The following TMEM164 variants were observed in gnomAD, a reference collection of about 807,000 sequenced individuals.
The protein encoded by TMEM164 is transmembrane protein 164.
A neutral mutation model predicts 18.8 loss-of-function variants in TMEM164; 4 were observed. That is an observed-to-expected ratio of 0.21 (90% confidence interval 0.10 to 0.49). The LOEUF (loss-of-function observed/expected upper bound fraction) is 0.49, where lower values mean the gene tolerates loss of function less well. TMEM164 is among the 20% of genes least tolerant of loss of function. The pLI is 0.98. For missense variants in TMEM164, 108 were observed against 239.9 expected (o/e 0.45, Z 3.63); for synonymous variants, 86 against 101.7 (o/e 0.85, Z 0.93).
chrX:110,036,645 T>C (rs1174358640), intron 2 of TMEM164, among the ~76,000 whole-genome samples: 3 of 112,643 alleles, frequency 2.7e-5, no homozygotes, highest in Non-Finnish European at 5.6e-5. Flanking sequence ...TGATAAGAGA[T>C]GCTTTGCTGG....
chrX:110,164,048 C>T (rs1003239412), intron 5 of TMEM164, among the ~76,000 whole-genome samples: 3 of 111,942 alleles, frequency 2.7e-5, no homozygotes, highest in African/African-American at 9.8e-5. Flanking sequence ...GGCCTAGGAG[C>T]GTGACAGAGT....
chrX:110,005,662 A>C (rs749422287), intron 2 of TMEM164, among the ~76,000 whole-genome samples: 1 of 112,421 alleles, frequency 8.9e-6, no homozygotes, highest in Non-Finnish European at 1.9e-5. Flanking sequence ...TTGGGAAGTG[A>C]TGCCATTCAC....
At chrX:110,146,348 A>C (rs2066854239) in intron 5 of TMEM164, among the ~76,000 whole-genome samples, 1 of 112,222 alleles carries the variant, frequency 8.9e-6, no homozygotes, top group Non-Finnish European at 1.9e-5. Context: ...CTGGTCTGAC[A>C]TGGAAAATAC....
intron 6 of TMEM164, 21 bp from the exon 7 acceptor site, chrX:110,173,224 C>G (rs1364200269): frequency 3.3e-6 from 4 of 1,204,818 alleles, no homozygotes; most frequent in Admixed American, 4.4e-5. Flanking sequence ...AACGCTCACT[C>G]TACCTCCCTT....
intron 2 of TMEM164, among the ~76,000 whole-genome samples, chrX:110,065,875 G>A (rs894163078): frequency 6.2e-5 from 7 of 112,183 alleles, no homozygotes; most frequent in South Asian, 7.4e-4. Context: ...CTCAATTCAA[G>A]TCGTATTTTG....
At chrX:110,099,148 G>C (rs949850988) in intron 3 of TMEM164, among the ~76,000 whole-genome samples, 3 of 109,678 alleles carry the variant, frequency 2.7e-5, no homozygotes, top group African/African-American at 9.9e-5. Context: ...ATATATTCTG[G>C]ATAAAAGTTC....
At chrX:110,171,257 G>A (rs2067227089) in intron 5 of TMEM164, among the ~76,000 whole-genome samples, 163 bp from the exon 6 acceptor site, 1 of 111,628 alleles carries the variant, frequency 9.0e-6, no homozygotes. Flanking sequence ...GCTGGGTTGA[G>A]TACCCAGCTA....
chrX:110,121,216 A>G (rs1341996153), intron 4 of TMEM164, among the ~76,000 whole-genome samples: 3 of 112,605 alleles, frequency 2.7e-5, no homozygotes, highest in South Asian at 7.2e-4. Context: ...TTACAAATGA[A>G]AAGTTTATCC....
intron 2 of TMEM164, among the ~76,000 whole-genome samples, chrX:110,044,065 G>A (rs1310203431): frequency 8.9e-6 from 1 of 112,023 alleles, no homozygotes; most frequent in African/African-American, 3.2e-5. Flanking sequence ...ACTACTGTTG[G>A]GTACCAACAA....
At chrX:110,078,000 T>C (rs1356407155) in intron 3 of TMEM164, among the ~76,000 whole-genome samples, 1 of 112,133 alleles carries the variant, frequency 8.9e-6, no homozygotes, top group Non-Finnish European at 1.9e-5. Context: ...GCATGTTGTC[T>C]TCTCTAACAA....
intron 3 of TMEM164, among the ~76,000 whole-genome samples, chrX:110,088,155 C>G (rs1440836232): frequency 8.9e-6 from 1 of 112,130 alleles, no homozygotes; most frequent in Non-Finnish European, 1.9e-5. Context: ...GGGAGAAATT[C>G]AGACCTCAGG....
chrX:110,109,179 C>T, intron 4 of TMEM164, 33 bp downstream of exon 4: 2 of 1,152,975 alleles, frequency 1.7e-6, no homozygotes, highest in South Asian at 1.8e-5. Context: ...GTAACAGCAA[C>T]ATGCAAAGCA....
chrX:110,036,015 A>G (rs1934781810), intron 2 of TMEM164, among the ~76,000 whole-genome samples: 1 of 111,232 alleles, frequency 9.0e-6, no homozygotes, highest in Non-Finnish European at 1.9e-5. Flanking sequence ...CCTCACCAAC[A>G]TCAGATATTG....
intron 2 of TMEM164, among the ~76,000 whole-genome samples, chrX:110,030,880 C>T (rs747892699): frequency 3.7e-5 from 4 of 109,127 alleles, no homozygotes; most frequent in Non-Finnish European, 7.6e-5. Context: ...TATTATGATA[C>T]ATTGTGTCTT....
chrX:110,131,257 C>A lies in TMEM164; in HGVS notation c.508-13541C>A, dbSNP rs186481817. 2.6e-4 allele frequency among the ~76,000 whole-genome samples: 29 copies of A among 111,880 alleles called. No homozygotes were observed. The East Asian group carries it at 5.6e-3, about 22-fold the overall frequency. ...GGGGGTTAGGCTGAGTGCCCTTGAGCTGTTTTGACTGGCCTGAAAGCCAAA... is the reference window on the plus strand; with the variant it reads ...GGGGGTTAGGCTGAGTGCCCTTGAGATGTTTTGACTGGCCTGAAAGCCAAA... On this transcript the variant is annotated intron_variant, in intron 4 of 6. Coordinates refer to ENST00000372068, the MANE Select transcript of TMEM164 (RefSeq NM_032227.4).
At chrX:110,082,568 C>G (rs957949759) in intron 3 of TMEM164, among the ~76,000 whole-genome samples, 1 of 111,536 alleles carries the variant, frequency 9.0e-6, no homozygotes, top group East Asian at 2.8e-4. Flanking sequence ...CTTGGAAAAA[C>G]GTTACATGTC....
intron 2 of TMEM164, among the ~76,000 whole-genome samples, chrX:110,042,200 C>T (rs925756939): frequency 9.2e-6 from 1 of 109,036 alleles, no homozygotes; most frequent in Non-Finnish European, 1.9e-5. Context: ...CAATTCTTAC[C>T]TTCCCCAGGC....
intron 2 of TMEM164, among the ~76,000 whole-genome samples, chrX:110,004,999 G>A (rs1342943743): frequency 8.9e-6 from 1 of 112,289 alleles, no homozygotes; most frequent in South Asian, 3.7e-4. Flanking sequence ...TGAGGACCAA[G>A]AGTGAGACTG....
At chrX:110,053,950 G>T (rs759381986) in intron 2 of TMEM164, among the ~76,000 whole-genome samples, 1 of 111,844 alleles carries the variant, frequency 8.9e-6, no homozygotes, top group African/African-American at 3.2e-5. Context: ...TGTTCTGGAG[G>T]ACTTTTATAT....
Sources: allele counts gnomAD v4.1 joint callset (sites outside exome capture counted in the v4.1 genomes callset), GRCh38; gene constraint gnomAD v4.1.1; transcripts MANE v1.5; gene names NCBI Gene and HGNC (gene_info 2026-07-23, HGNC 2026-07-21).